Variants in FNBP1 observed in about 807,000 individuals in gnomAD.
FNBP1 encodes the protein formin-binding protein 1.
FNBP1 carries 26 observed loss-of-function variants against 90.6 expected under a neutral mutation model. That is an observed-to-expected ratio of 0.29 (90% CI 0.21 to 0.40). The LOEUF is 0.40. Among genes scored for constraint, FNBP1 ranks in the 10% least tolerant of loss-of-function variants. FNBP1 has a pLI of 1.00. For missense variants in FNBP1, 635 were observed against 768.0 expected, an observed-to-expected ratio of 0.83 and a Z score of 2.05; for synonymous variants, 260 against 265.2, an observed-to-expected ratio of 0.98 and a Z score of 0.19.
Position 129,902,941 on chromosome 9 carries a change from G to A in FNBP1, c.1356C>T (p.Ala452=). ...YLKNPQMGDP[A]SLDHKLAEVS... ...CTTCTGCTAATTTGTGATCCAAACTGGCTGGGTCTCCCATCTGAGGATTCT... is the reference window on the plus strand; with the variant it reads ...CTTCTGCTAATTTGTGATCCAAACTAGCTGGGTCTCCCATCTGAGGATTCT... Residue 452 remains alanine (A), a synonymous_variant, in exon 13 of 17, where the codon GCC becomes GCT. Transcript: ENST00000446176. The A allele has an allele frequency of 6.2e-7, 1 of 1,610,616 alleles. No individual in the cohort carries two copies. The highest frequency in any genetic ancestry group is 8.5e-7 in the Non-Finnish European group (1 of 1,178,162).
chr9:129,995,587 C>T (rs757920675), intron 1 of FNBP1, among the ~76,000 whole-genome samples: 10 of 152,086 alleles, frequency 6.6e-5, no homozygotes, highest in Non-Finnish European at 1.3e-4. Flanking sequence ...GAACCCATCT[C>T]TACAAAAACA....
chr9:130,022,356 C>T (rs2057918187), intron 1 of FNBP1, among the ~76,000 whole-genome samples: 1 of 151,722 alleles, frequency 6.6e-6, no homozygotes, highest in Non-Finnish European at 1.5e-5. Context: ...AGGCACGCGC[C>T]AAGATGCCCG....
At chr9:129,913,757 C>T (rs578216732) in intron 11 of FNBP1, among the ~76,000 whole-genome samples, 1 of 151,820 alleles carries the variant, frequency 6.6e-6, no homozygotes, top group African/African-American at 2.4e-5. Flanking sequence ...GGGGACAGAG[C>T]GAGACTCTGT....
chr9:130,032,529 C>T (rs894897074), intron 1 of FNBP1, among the ~76,000 whole-genome samples: 1 of 152,152 alleles, frequency 6.6e-6, no homozygotes, highest in African/African-American at 2.4e-5. Flanking sequence ...TTTACATACA[C>T]ATATACACTT....
intron 1 of FNBP1, among the ~76,000 whole-genome samples, chr9:130,038,088 C>T (rs1278839677): frequency 7.2e-5 from 11 of 152,120 alleles, no homozygotes; most frequent in Admixed American, 7.2e-4. Flanking sequence ...GGCGCGGTGG[C>T]TCACGCCTGT....
chr9:129,924,225 A>G (rs368206948), intron 9 of FNBP1, among the ~76,000 whole-genome samples, 199 bp from the exon 10 acceptor site: 6 of 152,232 alleles, frequency 3.9e-5, no homozygotes, highest in African/African-American at 1.4e-4. Context: ...TTAGTAAGTA[A>G]TGCGACAGAA....
intron 2 of FNBP1, among the ~76,000 whole-genome samples, chr9:129,982,239 A>G (rs192836068): frequency 4.6e-5 from 7 of 152,268 alleles, no homozygotes; most frequent in African/African-American, 1.7e-4. Context: ...TTGGGAGGCC[A>G]AGGTGGGCAG....
chr9:129,904,663 G>A (rs1421360596), intron 12 of FNBP1, among the ~76,000 whole-genome samples: 1 of 152,178 alleles, frequency 6.6e-6, no homozygotes, highest in African/African-American at 2.4e-5. Flanking sequence ...TGGACTTCCA[G>A]CCGCTTTATC....
In FNBP1 at chr9:129,999,768, T is replaced by C. The variant is rs79253891; in HGVS notation, c.25-4810A>G. 8.0e-3 allele frequency among the ~76,000 whole-genome samples: 1,226 copies of C among 152,302 alleles called. 15 individuals are homozygous for C. Among genetic ancestry groups the C allele is most frequent in the African/African-American group, 0.028 (1,158 of 41,548 alleles). ...TGTTAATGGAAAGAGCATGTTTTTA[T>C]TTTTTAAAACTGTACTTTCCAAAAC... On this transcript the variant is annotated intron_variant, in intron 1 of 16. Coordinates refer to ENST00000446176, the MANE Select transcript of FNBP1 (RefSeq NM_015033.3).
chr9:129,992,549 C>CTTTTTTTT (rs11455680), intron 2 of FNBP1, among the ~76,000 whole-genome samples: 4 of 92,578 alleles, frequency 4.3e-5, no homozygotes, highest in Non-Finnish European at 5.8e-5. Context: ...ACACATAGCT[C>CTTTTTTTT]TTTTTTTTTT....
At chr9:129,937,662 T>TA (rs1281861876) in intron 6 of FNBP1, among the ~76,000 whole-genome samples, 2 of 151,374 alleles carry the variant, frequency 1.3e-5, no homozygotes, top group Non-Finnish European at 2.9e-5. Context: ...ACCCAGGAGT[T>TA]AGAGGTTACA....
the FNBP1 span, chr9:130,053,340 C>G: frequency 1.3e-5 from 2 of 152,784 alleles, no homozygotes; most frequent in African/African-American, 4.8e-5. Flanking sequence ...AATGATAATA[C>G]GTACCTCCTA....
the FNBP1 span, among the ~76,000 whole-genome samples, chr9:130,049,431 G>A: frequency 6.6e-6 from 1 of 152,052 alleles, no homozygotes; most frequent in Non-Finnish European, 1.5e-5. Context: ...TATTGTAAAG[G>A]TTGAAAGAAA....
intron 4 of FNBP1, among the ~76,000 whole-genome samples, chr9:129,960,750 C>T (rs1037912408): frequency 6.6e-6 from 1 of 151,988 alleles, no homozygotes; most frequent in Non-Finnish European, 1.5e-5. Flanking sequence ...TTGTAACAAT[C>T]CTGGAGATTA....
intron 6 of FNBP1, among the ~76,000 whole-genome samples, chr9:129,943,384 C>CTTT (rs11415197): frequency 6.4e-4 from 66 of 102,636 alleles, no homozygotes; most frequent in Admixed American, 8.9e-4. Flanking sequence ...TCATTAATTG[C>CTTT]TTTTTTTTTT....
intron 6 of FNBP1, among the ~76,000 whole-genome samples, chr9:129,933,798 G>A (rs1387548432): frequency 6.6e-6 from 1 of 152,050 alleles, no homozygotes; most frequent in East Asian, 1.9e-4. Flanking sequence ...AAAATACTGT[G>A]ATACATCAGA....
At chr9:130,039,676 C>A (rs1216604599) in intron 1 of FNBP1, among the ~76,000 whole-genome samples, 28 of 116,608 alleles carry the variant, frequency 2.4e-4, no homozygotes, top group South Asian at 2.9e-4. Flanking sequence ...AGCTTTGTCT[C>A]AAAAAAAAAA....
chr9:130,014,207 G>C (rs2056969002), intron 1 of FNBP1, among the ~76,000 whole-genome samples: 1 of 151,836 alleles, frequency 6.6e-6, no homozygotes, highest in Admixed American at 6.6e-5. Flanking sequence ...GGGCCAGCAG[G>C]AGATTCTGGA....
intron 1 of FNBP1, among the ~76,000 whole-genome samples, chr9:129,996,742 C>T (rs909295210): frequency 2.0e-5 from 3 of 152,118 alleles, no homozygotes; most frequent in African/African-American, 7.2e-5. Context: ...CTCTTTCCCC[C>T]AGGCTGGAGT....
Sources: gnomAD v4.1 joint callset for allele counts (sites outside exome capture counted in the v4.1 genomes callset) on GRCh38, gnomAD v4.1.1 for gene constraint, MANE v1.5 for transcripts, NCBI Gene and HGNC (gene_info 2026-07-23, HGNC 2026-07-21) for gene names.